Variants in ZNF208 observed in about 807,000 individuals in gnomAD.
ZNF208 encodes zinc finger protein 95.
ZNF208 carries 10 observed loss-of-function variants against 12.1 expected under a neutral mutation model. That is an observed-to-expected ratio of 0.83 (90% CI 0.51 to 1.40). ZNF208 has a LOEUF of 1.40. Among genes scored for constraint, ZNF208 ranks in the 40% most tolerant of loss-of-function variants. ZNF208 has a pLI of 0.00. For missense variants in ZNF208, 1,652 were observed against 1,485.0 expected (o/e 1.11, Z -1.85); for synonymous variants, 497 against 488.4 (o/e 1.02, Z -0.23).
At chr19:21,997,069 T>C (rs1568455324) in intron 1 of ZNF208, among the ~76,000 whole-genome samples, 3 of 152,226 alleles carry the variant, frequency 2.0e-5, no homozygotes, top group Non-Finnish European at 4.4e-5. Context: ...TTGGGAAATA[T>C]AATTAGAAGC....
At chr19:21,957,144 A>G (rs1213137489) in intron 4 of ZNF208, among the ~76,000 whole-genome samples, 1 of 152,124 alleles carries the variant, frequency 6.6e-6, no homozygotes, top group African/African-American at 2.4e-5. Context: ...GGTTCAAGTG[A>G]TTCTCCTGCC....
intron 1 of ZNF208, among the ~76,000 whole-genome samples, chr19:22,010,234 C>G (rs1418480265): frequency 6.6e-6 from 1 of 152,064 alleles, no homozygotes; most frequent in African/African-American, 2.4e-5. Flanking sequence ...GTAACTGTAC[C>G]TAACCAATTA....
chr19:21,967,337 T>C lies in ZNF208; in HGVS notation c.*3854A>G, dbSNP rs1249273653. The stretch of plus-strand genomic sequence containing the variant: ...CTTTTGTTTATTTCTGTTGGCTTTG[T>C]AAAAATAACCTGATTGCAAAGTATA... On this transcript the variant is annotated 3_prime_UTR_variant, in exon 4 of 4. Coordinates refer to ENST00000397126, the MANE Select transcript of ZNF208 (RefSeq NM_007153.3). 2.0e-5 allele frequency: 3 copies of C among 152,156 alleles called. No homozygotes were observed. The highest frequency in any genetic ancestry group is 4.4e-5 in the Non-Finnish European group (3 of 68,018). 9.4% of individuals were successfully genotyped at this position (152,156 alleles called of 1,614,324 possible).
intron 4 of ZNF208, among the ~76,000 whole-genome samples, chr19:21,951,053 T>G (rs1469632003): frequency 6.6e-6 from 1 of 152,240 alleles, no homozygotes; most frequent in African/African-American, 2.4e-5. Context: ...AACATTCTTG[T>G]AGAATACAAA....
rs973726629 is a variant in ZNF208 at position 21,967,097 on chromosome 19, G to A, written c.*4094C>T. 2.0e-5 allele frequency: 3 copies of A among 151,800 alleles called. No individual in the cohort carries two copies. Among genetic ancestry groups the A allele is most frequent in the African/African-American group, 7.3e-5 (3 of 41,324 alleles). The allele number at this position is 151,800 out of a possible 1,614,324, so 9.4% of individuals were successfully genotyped here. A position where few individuals can be genotyped will look rare whatever the true frequency, so the allele number is the denominator to read the frequency against. On this transcript the variant is annotated 3_prime_UTR_variant, in exon 4 of 4. Coordinates refer to ENST00000397126, the MANE Select transcript of ZNF208 (RefSeq NM_007153.3). The stretch of plus-strand genomic sequence containing the variant: ...GATGCCATTTTTTATTTTTATTTTT[G>A]TTGCACTCATGTTAGATGTTAGTCA...
At chr19:21,993,021 T>A (rs1027134427) in intron 1 of ZNF208, among the ~76,000 whole-genome samples, 3 of 152,156 alleles carry the variant, frequency 2.0e-5, no homozygotes, top group African/African-American at 7.2e-5. Context: ...CACCTGCATC[T>A]TGAGAATATG....
downstream of ZNF208, among the ~76,000 whole-genome samples, chr19:21,964,460 T>C (rs567784183): frequency 6.7e-6 from 1 of 149,490 alleles, no homozygotes; most frequent in East Asian, 1.9e-4. Context: ...AAAATTTTAA[T>C]ATATATTTTT....
intron 4 of ZNF208, among the ~76,000 whole-genome samples, chr19:21,959,983 G>T (rs1242400634): frequency 2.6e-5 from 4 of 152,164 alleles, no homozygotes; most frequent in Admixed American, 2.6e-4. Context: ...AAATAAAATA[G>T]AGTAAAATAC....
intron 4 of ZNF208, among the ~76,000 whole-genome samples, chr19:21,952,747 CA>C (rs1969910977): frequency 6.6e-6 from 1 of 152,048 alleles, no homozygotes; most frequent in South Asian, 2.1e-4. Context: ...TTCTAAAAAC[CA>C]GGGCACCTTT....
chr19:21,987,449 A>C, intron 2 of ZNF208, 138 bp from the exon 3 acceptor site: 1 of 1,010,500 alleles, frequency 9.9e-7, no homozygotes, highest in Non-Finnish European at 1.3e-6. Context: ...TAAGTTGGGA[A>C]AAAGGCTTAT....
At chr19:22,004,963 C>T (rs1971020116) in intron 1 of ZNF208, among the ~76,000 whole-genome samples, 1 of 152,098 alleles carries the variant, frequency 6.6e-6, no homozygotes, top group South Asian at 2.1e-4. Context: ...GAGTGCAATG[C>T]AGGTGGAAGG....
Position 21,967,153 on chromosome 19 carries a change from A to C in ZNF208, c.*4038T>G, listed in dbSNP as rs1051088382. 5 of 151,680 alleles carry C rather than the reference A, an allele frequency of 3.3e-5. No homozygotes were observed. Among genetic ancestry groups the C allele is most frequent in the African/African-American group, 1.2e-4 (5 of 41,364 alleles). The allele number at this position is 151,680 out of a possible 1,614,324, so 9.4% of individuals were successfully genotyped here. A position where few individuals can be genotyped will look rare whatever the true frequency, so the allele number is the denominator to read the frequency against. On this transcript the variant is annotated 3_prime_UTR_variant, in exon 4 of 4. Transcript: ENST00000397126. ...TCTTTACAGAGGCCAGTATTATCTA[A>C]GTGTTATTCTAAGATTTTTGTAGCT...
intron 3 of ZNF208, among the ~76,000 whole-genome samples, chr19:21,984,058 A>G (rs1250282824): frequency 6.6e-6 from 1 of 152,076 alleles, no homozygotes; most frequent in Non-Finnish European, 1.5e-5. Context: ...TAAAACAACT[A>G]TTTCTGACAG....
In ZNF208 at chr19:21,972,521, C is replaced by T; in HGVS notation, c.2513G>A (p.Cys838Tyr). Residue 838 changes from cysteine (C) to tyrosine (Y), a missense_variant, in exon 4 of 4, where the codon TGT becomes TAT. Cys to Tyr is a radical substitution (Grantham distance 194). Around this residue, in one of 3 missense-constraint regions of ZNF208, gnomAD observed 1,239 missense variants for 1,086.2 expected, o/e 1.14. Transcript: ENST00000397126. ...AGEKPYKCKE[C>Y]GKAFSKFSIL... is the part of the protein sequence containing the mutation. ...TGAGAACTTACTAAAGGCTTTGCCA[C>T]ATTCTTTACATTTGTAGGGCTTTTC... 6.2e-7 allele frequency: 1 copy of T among 1,612,950 alleles called. No individual in the cohort carries two copies. The highest frequency in any genetic ancestry group is 8.5e-7 in the Non-Finnish European group (1 of 1,179,812).
intron 1 of ZNF208, among the ~76,000 whole-genome samples, chr19:21,999,736 A>G (rs1970909053): frequency 6.6e-6 from 1 of 152,194 alleles, no homozygotes; most frequent in African/African-American, 2.4e-5. Context: ...GATAAAGACA[A>G]TTCTGAGTCA....
intron 4 of ZNF208, among the ~76,000 whole-genome samples, chr19:21,943,415 C>G (rs1568431835): frequency 6.6e-6 from 1 of 152,156 alleles, no homozygotes; most frequent in Non-Finnish European, 1.5e-5. Context: ...ATGAAACAGA[C>G]CATTGCATGA....
intron 4 of ZNF208, among the ~76,000 whole-genome samples, chr19:21,957,943 T>C (rs537899211): frequency 6.6e-6 from 1 of 152,180 alleles, no homozygotes; most frequent in East Asian, 1.9e-4. Flanking sequence ...CATTAACTCA[T>C]CATTTAGCAT....
chr19:21,959,553 C>T (rs1209411348), intron 4 of ZNF208, among the ~76,000 whole-genome samples: 1 of 152,196 alleles, frequency 6.6e-6, no homozygotes, highest in East Asian at 1.9e-4. Context: ...CAGCTCAGCA[C>T]ACTCACTTGA....
Position 21,957,531 on chromosome 19 carries a change from TA to T in ZNF208, c.305+17197del, listed in dbSNP as rs982545976. On this transcript the variant is annotated intron_variant, in intron 4 of 4. Transcript: ENST00000599916. ...TACAAAATTCCTGGACTGTTGTGAGTAAAAAAATGTCACTTTCCAACAGACT... is the reference window on the plus strand; with the variant it reads ...TACAAAATTCCTGGACTGTTGTGAGTAAAAAATGTCACTTTCCAACAGACT... 4.6e-5 allele frequency among the ~76,000 whole-genome samples: 7 copies of T among 152,106 alleles called. No homozygotes were observed. In the East Asian group the frequency reaches 1.3e-3, roughly 29 times the overall value.
Sources: gnomAD v4.1 joint callset for allele counts (sites outside exome capture counted in the v4.1 genomes callset) on GRCh38, gnomAD v4.1.1 for gene constraint, gnomAD v4.1.1 regional missense constraint, MANE v1.5 for transcripts, NCBI Gene and HGNC (gene_info 2026-07-23, HGNC 2026-07-21) for gene names.